Variants in CD40LG observed in about 807,000 individuals in gnomAD.
CD40LG encodes CD40 antigen ligand.
CD40LG carries 1 observed loss-of-function variant against 17.2 expected under a neutral mutation model. That is an observed-to-expected ratio of 0.06 (90% CI 0.02 to 0.28). The LOEUF is 0.28. Among genes scored for constraint, CD40LG ranks in the 10% least tolerant of loss-of-function variants. The pLI is 1.00. For missense variants in CD40LG, 133 were observed against 193.2 expected, an observed-to-expected ratio of 0.69 and a Z score of 1.85; for synonymous variants, 66 against 74.4, an observed-to-expected ratio of 0.89 and a Z score of 0.58.
chrX:136,650,263 T>C lies in CD40LG; in HGVS notation c.157-3T>C. The C allele has an allele frequency of 8.5e-7, 1 of 1,176,286 alleles. No homozygotes were observed. Among genetic ancestry groups the C allele is most frequent in the South Asian group, 1.8e-5 (1 of 56,069 alleles). On this transcript the variant is annotated splice_region_variant and splice_polypyrimidine_tract_variant and intron_variant, in intron 1 of 4. Transcript: ENST00000370629. The stretch of plus-strand genomic sequence containing the variant: ...TTATCATATCCTTGTTATTCCAAAA[T>C]AGATAGAAGATGAAAGGAATCTTCA...
At chrX:136,656,240 C>A in intron 3 of CD40LG, 116 bp from the exon 4 acceptor site, 1 of 595,365 alleles carries the variant, frequency 1.7e-6, no homozygotes, top group South Asian at 2.3e-5. Context: ...TTTATCTTTC[C>A]TTTTATATAA....
intron 4 of CD40LG, among the ~76,000 whole-genome samples, chrX:136,656,964 C>A (rs1004627667): frequency 1.8e-5 from 2 of 112,304 alleles, no homozygotes; most frequent in African/African-American, 6.5e-5. Flanking sequence ...CAACTCTGAA[C>A]GATTTTATTT....
intron 4 of CD40LG, among the ~76,000 whole-genome samples, chrX:136,658,320 T>C (rs2076124496): frequency 8.9e-6 from 1 of 112,056 alleles, no homozygotes; most frequent in Non-Finnish European, 1.9e-5. Flanking sequence ...CCACTCAACA[T>C]CTCAGCCGAG....
rs1329045194 is a variant in CD40LG at position 136,654,369 on chromosome X, T to C, written c.289-4T>C. On this transcript the variant is annotated splice_polypyrimidine_tract_variant and splice_region_variant and intron_variant, in intron 2 of 4. Transcript: ENST00000370629. ...ATGACCTCTTGCAATGCTTCTTATTTTAGGATATAATGTTAAACAAAGAGG... is the reference window on the plus strand; with the variant it reads ...ATGACCTCTTGCAATGCTTCTTATTCTAGGATATAATGTTAAACAAAGAGG... The C allele has an allele frequency of 8.4e-7, 1 of 1,184,958 alleles. No homozygotes were observed. The highest frequency in any genetic ancestry group is 1.1e-6 in the Non-Finnish European group (1 of 871,140).
intron 1 of CD40LG, 39 bp downstream of exon 1, chrX:136,648,443 G>T: frequency 8.7e-7 from 1 of 1,152,702 alleles, no homozygotes; most frequent in Non-Finnish European, 1.2e-6. Flanking sequence ...TAAATTTGGG[G>T]TCCTTACTAA....
chrX:136,656,441 G>A (rs369408390), intron 4 of CD40LG, 23 bp downstream of exon 4: 8 of 1,162,957 alleles, frequency 6.9e-6, no homozygotes, highest in African/African-American at 3.6e-5. Flanking sequence ...GCATCTGAGC[G>A]GTAGCCACCC....
rs768660121 is a variant in CD40LG, at chrX:136,654,915, G to T, written c.346+485G>T. Among the ~76,000 whole-genome samples, 3 of 111,133 alleles carry T rather than the reference G, an allele frequency of 2.7e-5. No homozygotes were observed. In the South Asian group the frequency reaches 1.1e-3, roughly 42 times the overall value. On this transcript the variant is annotated intron_variant, in intron 3 of 4. Transcript: ENST00000370629. Reference sequence around the variant, plus strand: ...TCCTGAACATCTCAGGGTTGGAAGAGAACTTGAGAGTTCTCAAATCCAGCA... The same window carrying T: ...TCCTGAACATCTCAGGGTTGGAAGATAACTTGAGAGTTCTCAAATCCAGCA...
In CD40LG at chrX:136,648,174, G is replaced by A; in HGVS notation, c.-75G>A. 1 of 769,585 alleles carries A rather than the reference G, an allele frequency of 1.3e-6. No homozygotes were observed. The highest frequency in any genetic ancestry group is 2.0e-6 in the Non-Finnish European group (1 of 493,250). The allele number at this position is 769,585 out of a possible 1,213,427, so 63.4% of individuals were successfully genotyped here. Reference sequence around the variant, plus strand: ...CTCTTAACTAATCCTGAGTAAGGTGGCCACTTTGACAGTCTTCTCATGCTG... The same window carrying A: ...CTCTTAACTAATCCTGAGTAAGGTGACCACTTTGACAGTCTTCTCATGCTG... On this transcript the variant is annotated 5_prime_UTR_variant, in exon 1 of 5. Transcript: ENST00000370629.
intron 2 of CD40LG, among the ~76,000 whole-genome samples, chrX:136,653,496 A>G (rs1025509097): frequency 1.8e-5 from 2 of 112,754 alleles, no homozygotes; most frequent in African/African-American, 6.4e-5. Context: ...GGAATTAGCT[A>G]AGCCCAGCCT....
At position 136,659,490 on chromosome X, in the gene CD40LG, C is replaced by A. The variant is rs992299117; in HGVS notation, c.*75C>A. 2.9e-6 allele frequency: 3 copies of A among 1,024,953 alleles called. No homozygotes were observed. Among genetic ancestry groups the A allele is most frequent in the Non-Finnish European group, 4.1e-6 (3 of 738,089 alleles). The allele number at this position is 1,024,953 out of a possible 1,213,427, so 84.5% of individuals were successfully genotyped here. A position where few individuals can be genotyped will look rare whatever the true frequency, so the allele number is the denominator to read the frequency against. The stretch of plus-strand genomic sequence containing the variant: ...AATACAGCACAGCGGTTAAGCCCAC[C>A]CCCTGTTAACTGCCTATTTATAACC... On this transcript the variant is annotated 3_prime_UTR_variant, in exon 5 of 5. Coordinates refer to ENST00000370629, the MANE Select transcript of CD40LG (RefSeq NM_000074.3).
chrX:136,648,342 C>T lies in CD40LG; in HGVS notation c.94C>T (p.Leu32Phe), dbSNP rs1050576933. Residue 32 changes from leucine to phenylalanine, a missense_variant, in exon 1 of 5, where the codon CTT becomes TTT. By Grantham distance (22) the Leu-to-Phe change is conservative. Coordinates refer to ENST00000370629, the MANE Select transcript of CD40LG (RefSeq NM_000074.3). Reference protein sequence around the residue: ...KIFMYLLTVFLITQMIGSALF... With the variant: ...KIFMYLLTVFFITQMIGSALF... ...TTTTATGTATTTACTTACTGTTTTT[C>T]TTATCACCCAGATGATTGGGTCAGC... 1 of 1,207,138 alleles carries T rather than the reference C, an allele frequency of 8.3e-7. No individual in the cohort carries two copies. Among genetic ancestry groups the T allele is most frequent in the African/African-American group, 1.7e-5 (1 of 57,163 alleles).
chrX:136,648,903 A>G (rs2076096729), intron 1 of CD40LG, among the ~76,000 whole-genome samples: 1 of 112,164 alleles, frequency 8.9e-6, no homozygotes, highest in African/African-American at 3.2e-5. Flanking sequence ...AATGCTTCAG[A>G]TTAACATAGA....
chrX:136,659,221 C>G lies in CD40LG; in HGVS notation c.592C>G (p.Pro198Ala), dbSNP rs1452233211. The change falls in exon 5 of 5, where the codon CCC (proline) becomes GCC (alanine). Residue 198 changes from proline (P) to alanine (A), a missense_variant. By Grantham distance (27) the Pro-to-Ala change is conservative (BLOSUM62 -1). Coordinates refer to ENST00000370629, the MANE Select transcript of CD40LG (RefSeq NM_000074.3). ...PFIASLCLKS[P>A]GRFERILLRA... Reference sequence around the variant, plus strand: ...TATAGCCAGCCTCTGCCTAAAGTCCCCCGGTAGATTCGAGAGAATCTTACT... The same window carrying G: ...TATAGCCAGCCTCTGCCTAAAGTCCGCCGGTAGATTCGAGAGAATCTTACT... The G allele has an allele frequency of 1.7e-6, 2 of 1,209,681 alleles. No homozygotes were observed. Among genetic ancestry groups the G allele is most frequent in the Non-Finnish European group, 2.2e-6 (2 of 894,658 alleles).
At chrX:136,651,900 G>C (rs2076104669) in intron 2 of CD40LG, among the ~76,000 whole-genome samples, 1 of 111,537 alleles carries the variant, frequency 9.0e-6, no homozygotes, top group African/African-American at 3.3e-5. Context: ...ATGGCAGTGA[G>C]AGTGGCTTGT....
chrX:136,659,002 T>C (rs1332184270), intron 4 of CD40LG, 37 bp from the exon 5 acceptor site: 2 of 1,201,478 alleles, frequency 1.7e-6, no homozygotes, highest in East Asian at 3.0e-5. Flanking sequence ...CATGCTCTGC[T>C]TCACCTCACC....
chrX:136,650,849 C>T (rs111876101), intron 2 of CD40LG, among the ~76,000 whole-genome samples: 1,142 of 111,644 alleles, frequency 0.01, 12 homozygotes, highest in African/African-American at 0.036. Flanking sequence ...TGGTAACAGT[C>T]TCTGGTGCTT....
chrX:136,657,513 G>A (rs3092926), intron 4 of CD40LG, among the ~76,000 whole-genome samples: 8,306 of 111,291 alleles, frequency 0.075, 680 homozygotes, highest in African/African-American at 0.24. Context: ...TGATGCTGTC[G>A]AGTGCTGTAC....
At chrX:136,653,938 G>C (rs951229648) in intron 2 of CD40LG, among the ~76,000 whole-genome samples, 1 of 111,717 alleles carries the variant, frequency 9.0e-6, no homozygotes, top group African/African-American at 3.3e-5. Flanking sequence ...TTTCCTACAG[G>C]ATTTCAGACC....
In CD40LG at chrX:136,648,180, TTGAC is replaced by T. The variant is rs2076094516; in HGVS notation, c.-68_-65del. On this transcript the variant is annotated 5_prime_UTR_variant, in exon 1 of 5. Transcript: ENST00000370629. ...ACTAATCCTGAGTAAGGTGGCCACT[TTGAC>T]AGTCTTCTCATGCTGCCTCTGCCAC... 1.2e-6 allele frequency: 1 copy of T among 845,409 alleles called. No homozygotes were observed. Among genetic ancestry groups the T allele is most frequent in the Non-Finnish European group, 1.8e-6 (1 of 563,956 alleles). The allele number at this position is 845,409 out of a possible 1,213,427, so 69.7% of individuals were successfully genotyped here.
Sources: gnomAD v4.1 joint callset for allele counts (sites outside exome capture counted in the v4.1 genomes callset) on GRCh38, gnomAD v4.1.1 for gene constraint, MANE v1.5 for transcripts, NCBI Gene and HGNC (gene_info 2026-07-23, HGNC 2026-07-21) for gene names.